Variants in B4GALNT2 observed in about 807,000 individuals in gnomAD.
The protein encoded by B4GALNT2 is N-acetylneuraminylgalactosylglucosyl-glucoside beta-1,4-N- acetylgalactosaminyltransferase 2.
A neutral mutation model predicts 51.1 loss-of-function variants in B4GALNT2; 42 were observed. The observed-to-expected ratio is 0.82, with a 90% confidence interval of 0.64 to 1.06. The LOEUF (loss-of-function observed/expected upper bound fraction) is 1.06, where lower values mean the gene tolerates loss of function less well. Ranked by LOEUF, B4GALNT2 falls within the 50% of genes least tolerant of loss-of-function variation. The pLI is 0.00. For synonymous variants in B4GALNT2, 253 were observed against 251.7 expected, an observed-to-expected ratio of 1.01 and a Z score of -0.05; for missense variants, 602 against 633.6, an observed-to-expected ratio of 0.95 and a Z score of 0.54.
chr17:49,153,500 T>A (rs1350525750), intron 4 of B4GALNT2, among the ~76,000 whole-genome samples: 1 of 146,910 alleles, frequency 6.8e-6, no homozygotes, highest in Non-Finnish European at 1.5e-5. Context: ...GCAAGAAGCT[T>A]GATGTGATTT....
intron 8 of B4GALNT2, 115 bp downstream of exon 8, chr17:49,164,390 C>A: frequency 1.0e-6 from 1 of 953,096 alleles, no homozygotes; most frequent in Non-Finnish European, 1.6e-6. Flanking sequence ...AAGCAGAGTC[C>A]AGGAGTGGGA....
the B4GALNT2 span, among the ~76,000 whole-genome samples, chr17:49,123,556 C>T: frequency 6.6e-6 from 1 of 152,288 alleles, no homozygotes; most frequent in South Asian, 2.1e-4. Context: ...TTATACTTGG[C>T]TTAATTATTT....
chr17:49,152,950 C>A, intron 4 of B4GALNT2, 44 bp downstream of exon 4: 1 of 1,525,284 alleles, frequency 6.6e-7, no homozygotes, highest in Non-Finnish European at 9.0e-7. Context: ...AACATTCTCA[C>A]TCTTCTAAGG....
chr17:49,176,159 GCGACC>G lies in B4GALNT2; in HGVS notation c.*6433_*6437del, dbSNP rs2144357616. 1 of 152,290 alleles carries G rather than the reference GCGACC, an allele frequency of 6.6e-6. No homozygotes were observed. The highest frequency in any genetic ancestry group is 2.4e-5 in the African/African-American group (1 of 41,548). The allele number at this position is 152,290 out of a possible 1,614,324, so 9.4% of individuals were successfully genotyped here. A position where few individuals can be genotyped will look rare whatever the true frequency, so the allele number is the denominator to read the frequency against. Reference sequence around the variant, plus strand: ...TCCACATTCTCCAACCATCACTCCAGCGACCCTTCAACTGGGGTTCAAGCCCCACG... The same window carrying G: ...TCCACATTCTCCAACCATCACTCCAGCTTCAACTGGGGTTCAAGCCCCACG... On this transcript the variant is annotated 3_prime_UTR_variant, in exon 11 of 11. Transcript: ENST00000393354.
chr17:49,152,034 G>A (rs568806983), intron 3 of B4GALNT2, among the ~76,000 whole-genome samples: 15 of 152,120 alleles, frequency 9.9e-5, no homozygotes, highest in Middle Eastern at 3.4e-3. Flanking sequence ...GGCCCCTACC[G>A]TCTGATAATT....
At chr17:49,137,840 T>A (rs186098170) in intron 1 of B4GALNT2, among the ~76,000 whole-genome samples, 1 of 152,148 alleles carries the variant, frequency 6.6e-6, no homozygotes, top group Admixed American at 6.5e-5. Context: ...ACAGTGTAGA[T>A]TTTCAAAATG....
chr17:49,146,495 G>A (rs557056562), intron 3 of B4GALNT2, among the ~76,000 whole-genome samples: 1 of 152,260 alleles, frequency 6.6e-6, no homozygotes, highest in Admixed American at 6.5e-5. Context: ...ATTTTTTATG[G>A]AGATGGGGTT....
At position 49,169,625 on chromosome 17, in the gene B4GALNT2, C is replaced by T; in HGVS notation, c.1418C>T (p.Ala473Val). Residue 473 changes from alanine (A) to valine (V), a missense_variant, in exon 11 of 11, where the codon GCC becomes GTC. By Grantham distance (64) the Ala-to-Val change is moderately conservative. Coordinates refer to ENST00000393354, the MANE Select transcript of B4GALNT2 (RefSeq NM_001159387.2). Reference sequence around the variant, plus strand: ...CCAGTGGTGGACTCAGAACTGGCTGCCCTAGAGAAGACCTACAATACATAC... The same window carrying T: ...CCAGTGGTGGACTCAGAACTGGCTGTCCTAGAGAAGACCTACAATACATAC... ...RSPVVDSELA[A>V]LEKTYNTYRS... The T allele has an allele frequency of 6.2e-7, 1 of 1,613,214 alleles. No homozygotes were observed. The highest frequency in any genetic ancestry group is 8.5e-7 in the Non-Finnish European group (1 of 1,179,868).
chr17:49,121,714 AC>A, the B4GALNT2 span, among the ~76,000 whole-genome samples: 392 of 152,174 alleles, frequency 2.6e-3, no homozygotes, highest in Non-Finnish European at 4.2e-3. Flanking sequence ...AGTAAAATGG[AC>A]CCACCACAGT....
intron 7 of B4GALNT2, among the ~76,000 whole-genome samples, chr17:49,161,830 C>T (rs2042867820): frequency 6.6e-6 from 1 of 151,460 alleles, no homozygotes; most frequent in Non-Finnish European, 1.5e-5. Context: ...GCACTCCAGC[C>T]TGAGCAACAG....
At chr17:49,129,588 G>T (rs1195868529), upstream of B4GALNT2, among the ~76,000 whole-genome samples, 2 of 150,508 alleles carry the variant, frequency 1.3e-5, no homozygotes, top group African/African-American at 4.9e-5. Flanking sequence ...GTTTATTTTG[G>T]AGAATAAACC....
chr17:49,155,939 G>T (rs2042805899), intron 4 of B4GALNT2, among the ~76,000 whole-genome samples: 1 of 151,958 alleles, frequency 6.6e-6, no homozygotes, highest in African/African-American at 2.4e-5. Context: ...GTGTTAGCCA[G>T]GATGATCTCG....
upstream of B4GALNT2, chr17:49,132,483 G>T: frequency 2.9e-6 from 1 of 348,860 alleles, no homozygotes; most frequent in Non-Finnish European, 5.1e-6. Flanking sequence ...TGGAGGGCAC[G>T]GGGACACAGC....
rs756612045 is a variant in B4GALNT2, at chr17:49,164,172, G to T, written c.851G>T (p.Arg284Leu). The change falls in exon 8 of 11, where the codon CGA becomes CTA. Residue 284 changes from arginine to leucine, a missense_variant. By Grantham distance (102) the Arg-to-Leu change is moderately radical. Transcript: ENST00000393354. ...HKLMIMLRSI[R>L]EYYPDLTVIV... is the part of the protein sequence containing the mutation. ...CTCATGATCATGCTCCGGAGTATTC[G>T]AGAGTATTACCCAGACTTGACCGTA... The T allele has an allele frequency of 6.2e-7, 1 of 1,613,958 alleles. No individual in the cohort carries two copies. The highest frequency in any genetic ancestry group is 8.5e-7 in the Non-Finnish European group (1 of 1,179,840).
upstream of B4GALNT2, among the ~76,000 whole-genome samples, chr17:49,131,282 G>T (rs2042536543): frequency 1.3e-5 from 2 of 151,980 alleles, no homozygotes; most frequent in African/African-American, 4.8e-5. Context: ...CTCTTTTCCA[G>T]TCTGGAGCTA....
chr17:49,147,501 A>G (rs1236825666), intron 3 of B4GALNT2, among the ~76,000 whole-genome samples: 3 of 151,394 alleles, frequency 2.0e-5, no homozygotes, highest in Non-Finnish European at 4.4e-5. Flanking sequence ...CAGCCTCCCA[A>G]ATAGCTGGGA....
At chr17:49,120,486 G>GTC in the B4GALNT2 span, among the ~76,000 whole-genome samples, 6 of 28,938 alleles carry the variant, frequency 2.1e-4, no homozygotes, top group African/African-American at 7.3e-4. Flanking sequence ...GTGTGTGTCT[G>GTC]TGTGTGTGTG....
At chr17:49,164,545 A>G (rs1280471793) in intron 8 of B4GALNT2, among the ~76,000 whole-genome samples, 1 of 140,786 alleles carries the variant, frequency 7.1e-6, no homozygotes, top group African/African-American at 2.7e-5. Context: ...TCTGTCGCTC[A>G]GGCTGGAGTG....
Position 49,171,812 on chromosome 17 carries a change from T to G in B4GALNT2, c.*2084T>G. 2 of 403,016 alleles carry G rather than the reference T, an allele frequency of 5.0e-6. No homozygotes were observed. The highest frequency in any genetic ancestry group is 9.5e-6 in the Non-Finnish European group (2 of 210,128). The allele number at this position is 403,016 out of a possible 1,614,324, so 25.0% of individuals were successfully genotyped here. A position where few individuals can be genotyped will look rare whatever the true frequency, so the allele number is the denominator to read the frequency against. On this transcript the variant is annotated 3_prime_UTR_variant, in exon 11 of 11. Coordinates refer to ENST00000393354, the MANE Select transcript of B4GALNT2 (RefSeq NM_001159387.2). ...CTGCAATGCAATCTTCCCAAACAAG[T>G]ACATTCATTATTTCTGGCCAGGTCT...
Sources: allele counts gnomAD v4.1 joint callset (sites outside exome capture counted in the v4.1 genomes callset), GRCh38; gene constraint gnomAD v4.1.1; transcripts MANE v1.5; gene names NCBI Gene and HGNC (gene_info 2026-07-23, HGNC 2026-07-21).